CFAP74: variants seen among roughly 807,000 people sequenced by gnomAD.
CFAP74 encodes the protein cilia and flagella associated protein 74.
A neutral mutation model predicts 188.9 loss-of-function variants in CFAP74; 124 were observed. The ratio of observed to expected loss-of-function variants is 0.66; its 90% CI spans 0.57 to 0.76. The LOEUF (loss-of-function observed/expected upper bound fraction) is 0.76. Among genes scored for constraint, CFAP74 ranks in the 30% least tolerant of loss-of-function variants. The pLI is 0.00. For missense variants in CFAP74, 2,198 were observed against 2,165.2 expected (o/e 1.02, Z -0.30); for synonymous variants, 956 against 916.7 (o/e 1.04, Z -0.77).
chr1:1,936,646 G>C lies in CFAP74; in HGVS notation c.3011+2209C>G, dbSNP rs566428071. Reference sequence around the variant, plus strand: ...GAGCCGCGCACAGTGGCTCACGCCTGTCATCCCAGCACGTTGGGAGGCTGA... The same window carrying C: ...GAGCCGCGCACAGTGGCTCACGCCTCTCATCCCAGCACGTTGGGAGGCTGA... On this transcript the variant is annotated intron_variant, in intron 25 of 38. Coordinates refer to ENST00000682832, the MANE Select transcript of CFAP74 (RefSeq NM_001304360.2). Among the ~76,000 whole-genome samples the C allele has an allele frequency of 1.2e-4, 18 of 152,356 alleles. 1 individual carries two copies. The highest frequency in any genetic ancestry group is 8.5e-4 in the Admixed American group (13 of 15,308).
In CFAP74 at chr1:1,959,105, C is replaced by T; in HGVS notation, c.1851+15G>A. ...ATGCCCCGAGAAATGCTGGCTCGGACACCTTTGAACTCACCGAACATTTCT... is the reference window on the plus strand; with the variant it reads ...ATGCCCCGAGAAATGCTGGCTCGGATACCTTTGAACTCACCGAACATTTCT... On this transcript the variant is annotated intron_variant, in intron 16 of 38. Transcript: ENST00000682832. 1 of 1,585,114 alleles carries T rather than the reference C, an allele frequency of 6.3e-7. No individual in the cohort carries two copies. Among genetic ancestry groups the T allele is most frequent in the Non-Finnish European group, 8.7e-7 (1 of 1,155,570 alleles).
At chr1:1,988,465 G>C in intron 4 of CFAP74, 47 bp downstream of exon 4, 6 of 1,600,770 alleles carry the variant, frequency 3.7e-6, no homozygotes, top group Non-Finnish European at 5.1e-6. Context: ...GTCACGGCCT[G>C]GGGGGCATCA....
At chr1:1,961,124 T>C (rs997248408) in intron 14 of CFAP74, among the ~76,000 whole-genome samples, 6 of 152,072 alleles carry the variant, frequency 3.9e-5, no homozygotes, top group African/African-American at 1.4e-4. Flanking sequence ...GAGCAGCACC[T>C]AGAGCACCAC....
At position 1,964,973 on chromosome 1, in the gene CFAP74, C is replaced by T. The variant is rs746230049; in HGVS notation, c.1490G>A (p.Ser497Asn). 22 of 1,613,862 alleles carry T rather than the reference C, an allele frequency of 1.4e-5. No individual in the cohort carries two copies. In the African/African-American group the frequency reaches 1.7e-4, roughly 13 times the overall value. Residue 497 changes from serine (S) to asparagine (N), a missense_variant, in exon 13 of 39, where the codon AGC becomes AAC. Physicochemically the swap from Ser to Asn is conservative, Grantham distance 46. Coordinates refer to ENST00000682832, the MANE Select transcript of CFAP74 (RefSeq NM_001304360.2). Reference sequence around the variant, plus strand: ...CACCACCTGCTTGTGGACCACCCTGCTCCGCAGCCGCTCCACCGTGCGCTC... The same window carrying T: ...CACCACCTGCTTGTGGACCACCCTGTTCCGCAGCCGCTCCACCGTGCGCTC... Reference protein sequence around the residue: ...ILERTVERLRSRVVHKQVVWG... With the variant: ...ILERTVERLRNRVVHKQVVWG...
In CFAP74 at chr1:1,955,310, T is replaced by C; in HGVS notation, c.2176+381A>G. On this transcript the variant is annotated intron_variant, in intron 18 of 38. Transcript: ENST00000682832. Reference sequence around the variant, plus strand: ...CAGGGCCCGCCCGTTTCTCGGCACCTCTCCCCGCTGGTGCGCGTCTAACAA... The same window carrying C: ...CAGGGCCCGCCCGTTTCTCGGCACCCCTCCCCGCTGGTGCGCGTCTAACAA... The C allele has an allele frequency of 4.0e-6, 5 of 1,243,138 alleles. No individual in the cohort carries two copies. In the South Asian group the frequency reaches 6.2e-5, roughly 15 times the overall value. 77.0% of individuals were successfully genotyped at this position (1,243,138 alleles called of 1,614,324 possible).
intron 18 of CFAP74, among the ~76,000 whole-genome samples, chr1:1,947,973 AG>A (rs1458990356): frequency 1.3e-5 from 2 of 152,134 alleles, no homozygotes; most frequent in Admixed American, 6.6e-5. Flanking sequence ...CCCGGGTTCA[AG>A]TAATTCTCCT....
intron 16 of CFAP74, among the ~76,000 whole-genome samples, chr1:1,957,207 A>G (rs1161380897): frequency 6.6e-6 from 1 of 152,202 alleles, no homozygotes; most frequent in Non-Finnish European, 1.5e-5. Context: ...GTGCCTCACC[A>G]TGCCCGCTGT....
intron 26 of CFAP74, 31 bp downstream of exon 26, chr1:1,930,029 T>C (rs1383240991): frequency 4.7e-6 from 7 of 1,484,630 alleles, no homozygotes; most frequent in Non-Finnish European, 6.3e-6. Flanking sequence ...GAGCTCCTGC[T>C]TCCCAGCCTG....
At chr1:1,981,064 C>T (rs972776714) in intron 6 of CFAP74, among the ~76,000 whole-genome samples, 6 of 152,222 alleles carry the variant, frequency 3.9e-5, no homozygotes, top group African/African-American at 7.2e-5. Flanking sequence ...CTCCCGGGAC[C>T]GACGCTGGAA....
chr1:1,940,523 G>A, intron 22 of CFAP74, 120 bp from the exon 23 acceptor site: 2 of 708,392 alleles, frequency 2.8e-6, no homozygotes, highest in East Asian at 2.9e-5. Flanking sequence ...TGGAACATCA[G>A]CGCTGGGAGA....
Position 1,988,961 on chromosome 1 carries a change from A to C in CFAP74, c.80T>G (p.Leu27Ter), listed in dbSNP as rs746158990. 2.2e-5 allele frequency: 34 copies of C among 1,554,510 alleles called. No individual in the cohort carries two copies. The highest frequency in any genetic ancestry group is 2.9e-5 in the Non-Finnish European group (33 of 1,137,106). ...TTTGATGTCAAACTCCGGATCCTCT[A>C]ATTCATCTCTTTCTAGAAATCAAGG... ...ALLLEDERDELEDPEFDIKCL... is the reference protein window; with the variant it reads ...ALLLEDERDE Residue 27 changes from leucine (L) to a stop codon, truncating the protein, a stop_gained, in exon 3 of 39, where the codon TTA (leucine) becomes TGA (stop). Coordinates refer to ENST00000682832, the MANE Select transcript of CFAP74 (RefSeq NM_001304360.2). LOFTEE classifies it high-confidence loss of function.
At chr1:1,977,406 T>C (rs1656518341) in intron 6 of CFAP74, among the ~76,000 whole-genome samples, 1 of 152,166 alleles carries the variant, frequency 6.6e-6, no homozygotes, top group South Asian at 2.1e-4. Context: ...TTCCCCTCCC[T>C]CGAAGGCAGG....
At chr1:1,947,510 C>G (rs1653852107) in intron 18 of CFAP74, among the ~76,000 whole-genome samples, 1 of 152,238 alleles carries the variant, frequency 6.6e-6, no homozygotes, top group African/African-American at 2.4e-5. Context: ...TGGTTTCCAT[C>G]TGCCACTGGG....
At chr1:1,924,347 G>A (rs774807671) in intron 34 of CFAP74, 44 bp downstream of exon 34, 25 of 199,492 alleles carry the variant, frequency 1.3e-4, no homozygotes, top group Non-Finnish European at 2.6e-5. Flanking sequence ...CCAGCTCACC[G>A]CCCACCCCCG....
intron 20 of CFAP74, among the ~76,000 whole-genome samples, chr1:1,945,158 T>G (rs1653661776): frequency 6.6e-6 from 1 of 151,994 alleles, no homozygotes; most frequent in Non-Finnish European, 1.5e-5. Flanking sequence ...AATACAAAAC[T>G]TAGCCAGGCA....
intron 25 of CFAP74, among the ~76,000 whole-genome samples, chr1:1,938,183 G>A (rs1362088752): frequency 6.9e-6 from 1 of 145,310 alleles, no homozygotes; most frequent in Non-Finnish European, 1.5e-5. Context: ...CCACATACAA[G>A]CACTCACATT....
intron 3 of CFAP74, 75 bp downstream of exon 3, chr1:1,988,814 C>T (rs1446132482): frequency 7.2e-6 from 5 of 696,056 alleles, no homozygotes; most frequent in Non-Finnish European, 1.2e-5. Context: ...GCCCCGCTCC[C>T]TTCACCCACC....
chr1:1,971,330 C>A (rs972974172), intron 9 of CFAP74, among the ~76,000 whole-genome samples: 3 of 150,870 alleles, frequency 2.0e-5, no homozygotes, highest in African/African-American at 4.9e-5. Flanking sequence ...CACTTGCACA[C>A]CTGCACACAC....
intron 1 of CFAP74, among the ~76,000 whole-genome samples, chr1:1,991,910 G>A (rs1330308712): frequency 1.3e-5 from 2 of 151,522 alleles, no homozygotes; most frequent in African/African-American, 4.8e-5. Context: ...CATGGTGGCA[G>A]GCGCCTGCGG....
Sources: allele counts gnomAD v4.1 joint callset (sites outside exome capture counted in the v4.1 genomes callset), GRCh38; gene constraint gnomAD v4.1.1; transcripts MANE v1.5; gene names NCBI Gene and HGNC (gene_info 2026-07-23, HGNC 2026-07-21).